LRRTM4: variants seen among roughly 807,000 people sequenced by gnomAD.
LRRTM4 encodes the protein leucine-rich repeat transmembrane neuronal protein 4.
LRRTM4 carries 25 observed loss-of-function variants against 47.6 expected under a neutral mutation model. The observed-to-expected ratio is 0.53, with a 90% CI of 0.38 to 0.73. The LOEUF (loss-of-function observed/expected upper bound fraction) is 0.73, where lower values mean the gene tolerates loss of function less well. LRRTM4 is among the 30% of genes least tolerant of loss of function. The probability of loss-of-function intolerance (pLI) is 0.00; values close to 1 mark genes in which losing one functional copy is unlikely to be tolerated. For missense variants in LRRTM4, 638 were observed against 713.4 expected (o/e 0.89, Z 1.20); for synonymous variants, 311 against 269.5 (o/e 1.15, Z -1.51).
At chr2:77,156,616 T>G (rs1672567075) in intron 3 of LRRTM4, among the ~76,000 whole-genome samples, 1 of 151,756 alleles carries the variant, frequency 6.6e-6, no homozygotes, top group Admixed American at 6.6e-5. Context: ...GAAATACATG[T>G]GCAATATCAG....
chr2:76,868,701 G>A (rs1573233256), intron 3 of LRRTM4, among the ~76,000 whole-genome samples: 2 of 152,214 alleles, frequency 1.3e-5, no homozygotes, highest in African/African-American at 4.8e-5. Context: ...TTTGCAATAG[G>A]TAACATGCCG....
chr2:76,813,030 G>T (rs779043360), intron 3 of LRRTM4, among the ~76,000 whole-genome samples: 8 of 151,940 alleles, frequency 5.3e-5, no homozygotes, highest in Non-Finnish European at 1.2e-4. Flanking sequence ...CTGGCATGGT[G>T]GTGGGCACCC....
intron 3 of LRRTM4, among the ~76,000 whole-genome samples, chr2:77,511,933 G>A (rs1679027927): frequency 6.6e-6 from 1 of 152,056 alleles, no homozygotes. Flanking sequence ...AACTTAAGGT[G>A]TTAGCTTTCA....
intron 3 of LRRTM4, among the ~76,000 whole-genome samples, chr2:77,347,301 T>C (rs1018417165): frequency 1.2e-4 from 19 of 152,316 alleles, no homozygotes; most frequent in South Asian, 6.2e-4. Flanking sequence ...TCTCTGCCTT[T>C]GTAAGTAGCA....
intron 3 of LRRTM4, among the ~76,000 whole-genome samples, chr2:77,188,906 C>G (rs1673586966): frequency 6.6e-6 from 1 of 152,136 alleles, no homozygotes; most frequent in Non-Finnish European, 1.5e-5. Context: ...TTAAAGTTGT[C>G]CACTTTTTAA....
intron 3 of LRRTM4, among the ~76,000 whole-genome samples, chr2:77,225,877 ATTG>A (rs1356170817): frequency 2.0e-5 from 3 of 151,974 alleles, no homozygotes; most frequent in African/African-American, 7.2e-5. Context: ...AATTATATAT[ATTG>A]TTATTTTTCT....
chr2:76,889,812 T>C (rs1192758190), intron 3 of LRRTM4, among the ~76,000 whole-genome samples: 1 of 151,036 alleles, frequency 6.6e-6, no homozygotes, highest in Non-Finnish European at 1.5e-5. Context: ...AATAATAGAG[T>C]AGAGAGAAAG....
chr2:77,221,971 G>A (rs536251428), intron 3 of LRRTM4, among the ~76,000 whole-genome samples: 5 of 152,196 alleles, frequency 3.3e-5, no homozygotes, highest in African/African-American at 7.2e-5. Flanking sequence ...GCACTCCTCA[G>A]CAAATGTGAA....
chr2:77,145,215 G>T (rs1271953616), intron 3 of LRRTM4, among the ~76,000 whole-genome samples: 1 of 150,856 alleles, frequency 6.6e-6, no homozygotes, highest in African/African-American at 2.4e-5. Flanking sequence ...GTGTGTGTGT[G>T]TGTGTGTGTA....
chr2:77,196,525 C>T (rs2103890097), intron 3 of LRRTM4, among the ~76,000 whole-genome samples: 1 of 152,264 alleles, frequency 6.6e-6, no homozygotes, highest in East Asian at 1.9e-4. Flanking sequence ...CAGCAGATCA[C>T]TTAAGGTCAG....
At chr2:77,165,871 A>C (rs1672869649) in intron 3 of LRRTM4, among the ~76,000 whole-genome samples, 1 of 152,116 alleles carries the variant, frequency 6.6e-6, no homozygotes, top group Non-Finnish European at 1.5e-5. Flanking sequence ...ATGGGCAAAA[A>C]CTGGAAGCAT....
At chr2:76,802,122 A>T (rs1249126873) in intron 3 of LRRTM4, among the ~76,000 whole-genome samples, 1 of 152,014 alleles carries the variant, frequency 6.6e-6, no homozygotes, top group Non-Finnish European at 1.5e-5. Flanking sequence ...TCCTAGCCCG[A>T]GCAATTAGGC....
At chr2:77,088,169 G>A (rs905184114) in intron 3 of LRRTM4, among the ~76,000 whole-genome samples, 4 of 152,190 alleles carry the variant, frequency 2.6e-5, no homozygotes, top group Non-Finnish European at 5.9e-5. Flanking sequence ...TCTGCTGTTT[G>A]TCAAAGTTTA....
intron 3 of LRRTM4, among the ~76,000 whole-genome samples, chr2:77,509,939 A>C (rs1678920673): frequency 6.6e-6 from 1 of 152,176 alleles, no homozygotes; most frequent in Non-Finnish European, 1.5e-5. Flanking sequence ...TTTGACCATC[A>C]ACCTAAAGTA....
At chr2:77,304,679 A>C (rs571652046) in intron 3 of LRRTM4, among the ~76,000 whole-genome samples, 2 of 152,246 alleles carry the variant, frequency 1.3e-5, no homozygotes, top group African/African-American at 4.8e-5. Flanking sequence ...AGTTAATATA[A>C]TAACTAGCAT....
At chr2:76,875,165 A>AT (rs1363718617) in intron 3 of LRRTM4, among the ~76,000 whole-genome samples, 2 of 152,058 alleles carry the variant, frequency 1.3e-5, no homozygotes, top group Non-Finnish European at 2.9e-5. Flanking sequence ...CAAATATTTT[A>AT]TTTTACTTTT....
At chr2:76,792,747 C>T (rs972938213) in intron 3 of LRRTM4, among the ~76,000 whole-genome samples, 1 of 151,976 alleles carries the variant, frequency 6.6e-6, no homozygotes, top group South Asian at 2.1e-4. Context: ...CTGTAAATGC[C>T]AGGCGCTAAG....
chr2:77,062,052 G>A (rs921098431), intron 3 of LRRTM4, among the ~76,000 whole-genome samples: 4 of 152,102 alleles, frequency 2.6e-5, no homozygotes, highest in African/African-American at 4.8e-5. Context: ...AAATGTGTCC[G>A]GGGCATAGAG....
chr2:77,203,242 A>G (rs1674027754), intron 3 of LRRTM4, among the ~76,000 whole-genome samples: 1 of 152,116 alleles, frequency 6.6e-6, no homozygotes, highest in Non-Finnish European at 1.5e-5. Flanking sequence ...AGACAAAAAC[A>G]GGTCTCCATT....
Sources: allele counts gnomAD v4.1 joint callset (sites outside exome capture counted in the v4.1 genomes callset), GRCh38; gene constraint gnomAD v4.1.1; transcripts MANE v1.5; gene names NCBI Gene and HGNC (gene_info 2026-07-23, HGNC 2026-07-21).